The following DLGAP3 variants were observed in gnomAD, a reference collection of about 807,000 sequenced individuals.
DLGAP3 encodes the protein disks large-associated protein 3.
In DLGAP3, 17 loss-of-function variants were observed where a neutral mutation model predicts 81.2. That is an observed-to-expected ratio of 0.21 (90% CI 0.14 to 0.31). The LOEUF is 0.31. Ranked by LOEUF, DLGAP3 falls within the 10% of genes least tolerant of loss-of-function variation. The pLI, the probability that DLGAP3 is intolerant of heterozygous loss-of-function variation, is 1.00. For missense variants in DLGAP3, 1,124 were observed against 1,388.0 expected, an observed-to-expected ratio of 0.81 and a Z score of 3.02; for synonymous variants, 577 against 587.4, an observed-to-expected ratio of 0.98 and a Z score of 0.26.
intron 8 of DLGAP3, among the ~76,000 whole-genome samples, chr1:34,882,332 G>A (rs1267403932): frequency 6.6e-6 from 1 of 152,084 alleles, no homozygotes; most frequent in African/African-American, 2.4e-5. Context: ...CAAAAAACTA[G>A]CCAGGCGTGG....
chr1:34,925,961 G>T (rs1158230928), intron 1 of DLGAP3, among the ~76,000 whole-genome samples: 1 of 152,230 alleles, frequency 6.6e-6, no homozygotes, highest in Non-Finnish European at 1.5e-5. Context: ...TGTGCAGATG[G>T]TAGAGACAGT....
intron 8 of DLGAP3, among the ~76,000 whole-genome samples, chr1:34,881,083 G>C (rs1007810628): frequency 6.6e-6 from 1 of 152,012 alleles, no homozygotes; most frequent in African/African-American, 2.4e-5. Context: ...TCTAATACCT[G>C]AATTGAAAAG....
chr1:34,878,695 A>G (rs1421843453), intron 8 of DLGAP3, among the ~76,000 whole-genome samples: 2 of 152,238 alleles, frequency 1.3e-5, no homozygotes, highest in Non-Finnish European at 2.9e-5. Flanking sequence ...ACATTTGAAA[A>G]ATATAATTTA....
At chr1:34,922,607 TAG>T (rs1241708082) in intron 1 of DLGAP3, among the ~76,000 whole-genome samples, 6 of 152,122 alleles carry the variant, frequency 3.9e-5, no homozygotes, top group African/African-American at 1.2e-4. Context: ...AATGCATACA[TAG>T]AGTCATATAT....
rs1446825282 is a variant in DLGAP3 at position 34,900,174 on chromosome 1, C to T, written c.1207G>A (p.Asp403Asn). 2 of 1,614,092 alleles carry T rather than the reference C, an allele frequency of 1.2e-6. No homozygotes were observed. Residue 403 changes from aspartate to asparagine, a missense_variant, in exon 4 of 12, where the codon GAT becomes AAT. By Grantham distance (23) the Asp-to-Asn change is conservative (BLOSUM62 1). Coordinates refer to ENST00000373347, the MANE Select transcript of DLGAP3 (RefSeq NM_001080418.3). The surrounding 1 kb of genome is among the most constrained non-coding windows in gnomAD (Gnocchi z 5.6). ...RSGSYIKAMG[D>N]EESGDSDGSP... ...CCGTCTGAGTCTCCGCTCTCCTCAT[C>T]CCCCATGGCTTTGATGTAGCTGCCG...
chr1:34,868,766 A>G lies in DLGAP3; in HGVS notation c.2324T>C (p.Ile775Thr). Residue 775 changes from isoleucine (I) to threonine (T), a missense_variant, in exon 9 of 12, where the codon ATA becomes ACA. This residue lies in a region of DLGAP3 where 379 missense variants were observed against 455.7 expected (regional missense o/e 0.83). Transcript: ENST00000373347. The surrounding 1 kb of genome is among the most constrained non-coding windows in gnomAD (Gnocchi z 7.5). ...GGGGAGGCTACGTGAACCGCGCTCT[A>G]TCCAGGAGTCACGGCGGCCGGCCCC... ...GPGAGRRDSW[I>T]ERGSRSLPDS... 2.5e-6 allele frequency: 4 copies of G among 1,601,160 alleles called. No individual in the cohort carries two copies. The highest frequency in any genetic ancestry group is 3.4e-6 in the Non-Finnish European group (4 of 1,176,314).
chr1:34,909,352 A>C (rs1639606952), intron 1 of DLGAP3, among the ~76,000 whole-genome samples: 1 of 152,194 alleles, frequency 6.6e-6, no homozygotes, highest in Non-Finnish European at 1.5e-5. Flanking sequence ...CAGATCCTAC[A>C]GGGAAGCCCT....
chr1:34,885,184 C>T, intron 7 of DLGAP3, 121 bp from the exon 8 acceptor site: 7 of 1,003,962 alleles, frequency 7.0e-6, no homozygotes, highest in Non-Finnish European at 9.1e-6. Context: ...AGACCATCTG[C>T]CTGAACAAGA....
In DLGAP3 at chr1:34,890,171, G is replaced by A. The variant is rs186352776; in HGVS notation, c.1387-3886C>T. On this transcript the variant is annotated intron_variant, in intron 5 of 11. Coordinates refer to ENST00000373347, the MANE Select transcript of DLGAP3 (RefSeq NM_001080418.3). ...TACAAGCTGGTCCTCACACAGCCACGGTACAGTGTATCTGCATGAACCTTC... is the reference window on the plus strand; with the variant it reads ...TACAAGCTGGTCCTCACACAGCCACAGTACAGTGTATCTGCATGAACCTTC... 4.6e-5 allele frequency among the ~76,000 whole-genome samples: 7 copies of A among 152,240 alleles called. No individual in the cohort carries two copies. The East Asian group carries it at 5.8e-4, about 13-fold the overall frequency.
In DLGAP3 at chr1:34,929,424, C is replaced by T. The variant is rs1187828553; in HGVS notation, c.-135+27G>A. 6.7e-6 allele frequency: 1 copy of T among 148,238 alleles called. No homozygotes were observed. Among genetic ancestry groups the T allele is most frequent in the Non-Finnish European group, 1.5e-5 (1 of 66,414 alleles). 9.2% of individuals were successfully genotyped at this position (148,238 alleles called of 1,614,324 possible). ...TGCAGAGGGAGCCGCGAGCGCGGCC[C>T]CGTCCCCACTCCTCCCCGCGGCTTA... On this transcript the variant is annotated intron_variant, in intron 1 of 11. Coordinates refer to ENST00000373347, the MANE Select transcript of DLGAP3 (RefSeq NM_001080418.3). The surrounding 1 kb of genome is among the most constrained non-coding windows in gnomAD (Gnocchi z 6.5).
chr1:34,871,311 T>C (rs1638976654), intron 8 of DLGAP3, among the ~76,000 whole-genome samples: 1 of 152,198 alleles, frequency 6.6e-6, no homozygotes, highest in Non-Finnish European at 1.5e-5. Context: ...ACTCCAAGCC[T>C]TTGCACACGC....
chr1:34,914,382 A>T (rs1168846141), intron 1 of DLGAP3, among the ~76,000 whole-genome samples: 1 of 152,118 alleles, frequency 6.6e-6, no homozygotes, highest in African/African-American at 2.4e-5. Context: ...CCCTCTCCTG[A>T]AAGTCTCCAG....
intron 1 of DLGAP3, among the ~76,000 whole-genome samples, chr1:34,913,149 A>C (rs114071891): frequency 2.0e-3 from 308 of 152,356 alleles, no homozygotes; most frequent in African/African-American, 7.2e-3. Flanking sequence ...AAGGGGGAAC[A>C]GAAAGGAAGG....
Position 34,868,764 on chromosome 1 carries a change from C to T in DLGAP3, c.2326G>A (p.Glu776Lys). 10 of 1,605,466 alleles carry T rather than the reference C, an allele frequency of 6.2e-6. No homozygotes were observed. Among genetic ancestry groups the T allele is most frequent in the Non-Finnish European group, 8.5e-6 (10 of 1,179,494 alleles). The change falls in exon 9 of 12, where the codon GAG (glutamate) becomes AAG (lysine). Residue 776 changes from glutamate to lysine, a missense_variant. Physicochemically the swap from Glu to Lys is moderately conservative, Grantham distance 56 (BLOSUM62 1). Coordinates refer to ENST00000373347, the MANE Select transcript of DLGAP3 (RefSeq NM_001080418.3). This position sits in a 1 kb window ranked among gnomAD's most constrained non-coding sequence, Gnocchi z 7.5. ...PGAGRRDSWIERGSRSLPDSG... is the reference protein window; with the variant it reads ...PGAGRRDSWIKRGSRSLPDSG... ...TCGGGGAGGCTACGTGAACCGCGCT[C>T]TATCCAGGAGTCACGGCGGCCGGCC...
chr1:34,903,505 C>T (rs547296287), intron 3 of DLGAP3, among the ~76,000 whole-genome samples: 21 of 152,266 alleles, frequency 1.4e-4, no homozygotes, highest in Non-Finnish European at 2.8e-4. Context: ...CTTAAGAAAA[C>T]GATGTGGGCT....
intron 8 of DLGAP3, among the ~76,000 whole-genome samples, chr1:34,882,863 C>T (rs1639165828): frequency 1.3e-5 from 2 of 152,180 alleles, no homozygotes; most frequent in Admixed American, 1.3e-4. Flanking sequence ...TCCCCTGCCC[C>T]ACTCCACACC....
At chr1:34,924,680 A>G (rs1348534640) in intron 1 of DLGAP3, among the ~76,000 whole-genome samples, 1 of 152,176 alleles carries the variant, frequency 6.6e-6, no homozygotes, top group African/African-American at 2.4e-5. Context: ...AAAAGTTCCC[A>G]GGAGATGAGA....
At chr1:34,914,576 G>A (rs549918586) in intron 1 of DLGAP3, among the ~76,000 whole-genome samples, 2 of 152,308 alleles carry the variant, frequency 1.3e-5, no homozygotes, top group South Asian at 2.1e-4. Flanking sequence ...TAGACGTGTG[G>A]CCTCAAGGAA....
At chr1:34,880,457 A>C (rs1639127691) in intron 8 of DLGAP3, among the ~76,000 whole-genome samples, 1 of 152,208 alleles carries the variant, frequency 6.6e-6, no homozygotes, top group Non-Finnish European at 1.5e-5. Flanking sequence ...GGAGCCAAGC[A>C]CAGTGGCTCA....
Sources: gnomAD v4.1 joint callset for allele counts (sites outside exome capture counted in the v4.1 genomes callset) on GRCh38, gnomAD v4.1.1 for gene constraint, gnomAD v4.1.1 regional missense constraint, Gnocchi (gnomAD v3.1) non-coding constraint, MANE v1.5 for transcripts, NCBI Gene and HGNC (gene_info 2026-07-23, HGNC 2026-07-21) for gene names.